Variants in EXOC6B observed in about 807,000 individuals in gnomAD.
EXOC6B encodes the protein SEC15 homolog B.
EXOC6B carries 54 observed loss-of-function variants against 113.5 expected under a neutral mutation model. The ratio of observed to expected loss-of-function variants is 0.48; its 90% CI spans 0.38 to 0.60. The LOEUF is 0.60. Among genes scored for constraint, EXOC6B ranks in the 20% least tolerant of loss-of-function variants. EXOC6B has a pLI of 0.00. For missense variants in EXOC6B, 797 were observed against 977.5 expected (o/e 0.82, Z 2.46); for synonymous variants, 357 against 339.0 (o/e 1.05, Z -0.58).
intron 19 of EXOC6B, among the ~76,000 whole-genome samples, chr2:72,341,779 T>C (rs181744909): frequency 2.0e-5 from 3 of 152,138 alleles, no homozygotes; most frequent in African/African-American, 7.2e-5. Flanking sequence ...CACCCAACAG[T>C]AGTAGAATAT....
chr2:72,583,811 C>A (rs189512823), intron 6 of EXOC6B, among the ~76,000 whole-genome samples: 2 of 152,142 alleles, frequency 1.3e-5, no homozygotes, highest in East Asian at 3.9e-4. Context: ...ACCACCACCT[C>A]CTGGGTTCAA....
intron 1 of EXOC6B, among the ~76,000 whole-genome samples, chr2:72,754,610 T>A (rs1682281938): frequency 1.3e-5 from 2 of 151,414 alleles, no homozygotes. Flanking sequence ...AATAGCTTTT[T>A]TTTTTCTTTT....
chr2:72,278,295 C>A lies in EXOC6B; in HGVS notation c.2196+56652G>T, dbSNP rs1165332443. On this transcript the variant is annotated intron_variant, in intron 20 of 21. Coordinates refer to ENST00000272427, the MANE Select transcript of EXOC6B (RefSeq NM_015189.3). ...CAGAAACACTCCATTTGACCTTCAA[C>A]AAGGTGACAACCTCCATGCATCTCA... is the stretch of plus-strand genomic sequence containing the variant. 3.3e-5 allele frequency among the ~76,000 whole-genome samples: 5 copies of A among 152,192 alleles called. 1 individual carries two copies. The East Asian group carries it at 9.6e-4, about 29-fold the overall frequency.
intron 20 of EXOC6B, among the ~76,000 whole-genome samples, chr2:72,255,224 C>T (rs1253495134): frequency 6.6e-6 from 1 of 152,100 alleles, no homozygotes; most frequent in Non-Finnish European, 1.5e-5. Flanking sequence ...CACAGGACAC[C>T]TACAAGGTTT....
Position 72,211,932 on chromosome 2 carries a change from C to A in EXOC6B, c.2197-27745G>T, listed in dbSNP as rs551740015. ...TTCTCAATGGTGGACTTTTTCCAAA[C>A]CACATAGCTCTCCCAAAGACTCACT... On this transcript the variant is annotated intron_variant, in intron 20 of 21. Transcript: ENST00000272427. 1.7e-3 allele frequency among the ~76,000 whole-genome samples: 263 copies of A among 152,164 alleles called. 2 individuals carry two copies. The highest frequency in any genetic ancestry group is 6.0e-3 in the African/African-American group (248 of 41,500).
chr2:72,487,741 C>T (rs995787279), intron 16 of EXOC6B, among the ~76,000 whole-genome samples: 2 of 152,176 alleles, frequency 1.3e-5, no homozygotes, highest in Non-Finnish European at 2.9e-5. Flanking sequence ...TTTTCCCATG[C>T]TTAGACTGGG....
intron 18 of EXOC6B, among the ~76,000 whole-genome samples, chr2:72,440,112 G>A (rs980291505): frequency 2.0e-5 from 3 of 152,130 alleles, no homozygotes; most frequent in Non-Finnish European, 2.9e-5. Context: ...TGTAGGAGGC[G>A]ACTGAAGACA....
At chr2:72,415,304 A>G (rs1331739610) in intron 18 of EXOC6B, among the ~76,000 whole-genome samples, 1 of 151,460 alleles carries the variant, frequency 6.6e-6, no homozygotes, top group East Asian at 1.9e-4. Context: ...TGAATTCCTG[A>G]CTGTTAAAAG....
intron 17 of EXOC6B, among the ~76,000 whole-genome samples, chr2:72,475,174 G>C (rs1228704314): frequency 2.0e-5 from 3 of 152,078 alleles, no homozygotes; most frequent in African/African-American, 7.2e-5. Flanking sequence ...GCTCCAGGGT[G>C]GTCTGGCACC....
chr2:72,810,165 A>G (rs1462857896), intron 1 of EXOC6B, among the ~76,000 whole-genome samples: 1 of 152,062 alleles, frequency 6.6e-6, no homozygotes, highest in African/African-American at 2.4e-5. Context: ...TAGGAGCCTA[A>G]AGGGAAATTT....
chr2:72,589,965 G>T (rs918140565), intron 6 of EXOC6B, among the ~76,000 whole-genome samples: 1 of 152,018 alleles, frequency 6.6e-6, no homozygotes, highest in African/African-American at 2.4e-5. Flanking sequence ...ACTCCAAGCT[G>T]CCCTCCAAAG....
chr2:72,367,861 C>T (rs2105011560), intron 19 of EXOC6B, among the ~76,000 whole-genome samples: 1 of 152,246 alleles, frequency 6.6e-6, no homozygotes, highest in South Asian at 2.1e-4. Flanking sequence ...CAGCCCTAGC[C>T]AAAGGAGAAT....
intron 1 of EXOC6B, among the ~76,000 whole-genome samples, chr2:72,757,939 T>C (rs940682064): frequency 2.6e-5 from 4 of 152,046 alleles, no homozygotes; most frequent in African/African-American, 9.7e-5. Flanking sequence ...GGCAGGAAGA[T>C]TGCTTGAGCC....
intron 18 of EXOC6B, among the ~76,000 whole-genome samples, chr2:72,401,487 TTATATACATATATATATATATA>T (rs1693155258): frequency 9.4e-6 from 1 of 106,548 alleles, no homozygotes; most frequent in African/African-American, 3.6e-5. Flanking sequence ...AGAAAATATT[TTATATACATATATATATATATA>T]TATATACATA....
At chr2:72,191,674 C>G (rs944115093) in intron 20 of EXOC6B, among the ~76,000 whole-genome samples, 2 of 152,164 alleles carry the variant, frequency 1.3e-5, no homozygotes, top group Non-Finnish European at 2.9e-5. Flanking sequence ...CAAGGCCATA[C>G]AGTGAGTTAA....
rs1030912036 is a variant in EXOC6B at position 72,630,498 on chromosome 2, C to T, written c.670-54830G>A. 2.6e-5 allele frequency among the ~76,000 whole-genome samples: 4 copies of T among 152,102 alleles called. No homozygotes were observed. In the East Asian group the frequency reaches 5.8e-4, roughly 22 times the overall value. ...CTCATTCTCATACCTGTTAAATTCC[C>T]GGAGTTAACTGAATATGCAAAACCT... On this transcript the variant is annotated intron_variant, in intron 6 of 21. Coordinates refer to ENST00000272427, the MANE Select transcript of EXOC6B (RefSeq NM_015189.3).
chr2:72,197,377 A>G (rs1415846445), intron 20 of EXOC6B, among the ~76,000 whole-genome samples: 2 of 152,154 alleles, frequency 1.3e-5, no homozygotes, highest in Non-Finnish European at 2.9e-5. Flanking sequence ...GCCTCTGTCA[A>G]GGGCTAATTG....
chr2:72,302,573 T>C (rs1217742468), intron 20 of EXOC6B, among the ~76,000 whole-genome samples: 2 of 152,228 alleles, frequency 1.3e-5, no homozygotes, highest in South Asian at 2.1e-4. Context: ...CCCTTTACCA[T>C]TGTGTAATGT....
At chr2:72,391,195 T>C (rs1692351735) in intron 18 of EXOC6B, among the ~76,000 whole-genome samples, 1 of 152,200 alleles carries the variant, frequency 6.6e-6, no homozygotes, top group African/African-American at 2.4e-5. Context: ...AAAACAGTTG[T>C]TTCATTTATT....
Sources: allele counts gnomAD v4.1 joint callset (sites outside exome capture counted in the v4.1 genomes callset), GRCh38; gene constraint gnomAD v4.1.1; transcripts MANE v1.5; gene names NCBI Gene and HGNC (gene_info 2026-07-23, HGNC 2026-07-21).